Variants in NUAK1 observed in about 807,000 individuals in gnomAD.
The protein encoded by NUAK1 is NUAK family kinase 1, also known as NUAK family SNF1-like kinase 1.
In NUAK1, 26 loss-of-function variants were observed where a neutral mutation model predicts 56.9. That is an observed-to-expected ratio of 0.46 (90% confidence interval 0.33 to 0.63). NUAK1 has a LOEUF of 0.63. Ranked by LOEUF, NUAK1 falls within the 30% of genes least tolerant of loss-of-function variation. NUAK1 has a pLI of 0.02. For missense variants in NUAK1, 727 were observed against 876.1 expected, an observed-to-expected ratio of 0.83 and a Z score of 2.15; for synonymous variants, 337 against 336.0, an observed-to-expected ratio of 1.00 and a Z score of -0.03.
At chr12:106,106,376 G>A (rs777113201) in intron 2 of NUAK1, 29 bp downstream of exon 2, 2 of 1,511,900 alleles carry the variant, frequency 1.3e-6, no homozygotes, top group South Asian at 2.3e-5. Context: ...TAACTGATAT[G>A]GGGGTTAAAA....
At chr12:106,115,047 T>C (rs141644759) in intron 1 of NUAK1, among the ~76,000 whole-genome samples, 18 of 152,332 alleles carry the variant, frequency 1.2e-4, no homozygotes, top group African/African-American at 4.1e-4. Context: ...ATACGCATAC[T>C]TGGGAAGTTT....
intron 1 of NUAK1, among the ~76,000 whole-genome samples, chr12:106,119,990 A>G (rs2032957643): frequency 6.7e-6 from 1 of 149,922 alleles, no homozygotes; most frequent in Admixed American, 6.7e-5. Context: ...GGAAAAAAAT[A>G]TATTTAGAGC....
chr12:106,111,416 G>C (rs1203751185), intron 1 of NUAK1, among the ~76,000 whole-genome samples: 1 of 151,762 alleles, frequency 6.6e-6, no homozygotes, highest in Non-Finnish European at 1.5e-5. Flanking sequence ...TGTAGGACCA[G>C]CCTTGGGGGC....
chr12:106,121,507 T>G (rs574094779), intron 1 of NUAK1, among the ~76,000 whole-genome samples: 1 of 152,154 alleles, frequency 6.6e-6, no homozygotes, highest in Non-Finnish European at 1.5e-5. Context: ...CCCAGCACTT[T>G]GGGAGGCCAA....
intron 2 of NUAK1, among the ~76,000 whole-genome samples, chr12:106,093,274 C>CT (rs1460032712): frequency 6.6e-6 from 1 of 152,218 alleles, no homozygotes; most frequent in Admixed American, 6.5e-5. Context: ...TCTCCTTTTT[C>CT]TTTGACTATT....
At chr12:106,132,108 T>C (rs188048597) in intron 1 of NUAK1, among the ~76,000 whole-genome samples, 1 of 152,334 alleles carries the variant, frequency 6.6e-6, no homozygotes, top group African/African-American at 2.4e-5. Context: ...GCCAGAAACC[T>C]GACAAACCCT....
At chr12:106,084,088 T>C in intron 3 of NUAK1, 159 bp from the exon 4 acceptor site, 3 of 625,944 alleles carry the variant, frequency 4.8e-6, no homozygotes, top group East Asian at 2.7e-5. Flanking sequence ...CTGCTCTCAC[T>C]GTCTTGACGC....
At chr12:106,106,658 T>C in intron 1 of NUAK1, 133 bp from the exon 2 acceptor site, 1 of 841,060 alleles carries the variant, frequency 1.2e-6, no homozygotes, top group East Asian at 2.7e-5. Flanking sequence ...AGCTTGGAAA[T>C]GCCCCCTTGT....
intron 4 of NUAK1, among the ~76,000 whole-genome samples, chr12:106,075,324 G>C (rs369393293): frequency 7.6e-4 from 60 of 79,134 alleles, no homozygotes; most frequent in African/African-American, 2.0e-3. Flanking sequence ...CACACAGAGA[G>C]AGAGAGAGAG....
At chr12:106,108,276 G>A (rs947176676) in intron 1 of NUAK1, among the ~76,000 whole-genome samples, 3 of 152,202 alleles carry the variant, frequency 2.0e-5, no homozygotes, top group Admixed American at 6.5e-5. Context: ...ACAGGCAATA[G>A]AGGAATAGCT....
intron 2 of NUAK1, among the ~76,000 whole-genome samples, chr12:106,087,456 C>T (rs1192959142): frequency 1.3e-5 from 2 of 152,190 alleles, no homozygotes; most frequent in African/African-American, 4.8e-5. Flanking sequence ...CTGTCTCCCC[C>T]AGTCAAATGT....
At chr12:106,076,316 G>A (rs759264720) in intron 4 of NUAK1, among the ~76,000 whole-genome samples, 4 of 152,216 alleles carry the variant, frequency 2.6e-5, no homozygotes, top group Non-Finnish European at 5.9e-5. Flanking sequence ...GTCTTCCCAA[G>A]CCGTACAGTT....
intron 4 of NUAK1, among the ~76,000 whole-genome samples, chr12:106,075,888 A>G (rs2032460367): frequency 6.6e-6 from 1 of 152,218 alleles, no homozygotes; most frequent in South Asian, 2.1e-4. Flanking sequence ...GCAGCAACCA[A>G]CATCAAGCTG....
intron 2 of NUAK1, among the ~76,000 whole-genome samples, chr12:106,093,042 C>T (rs948151127): frequency 6.6e-6 from 1 of 152,148 alleles, no homozygotes; most frequent in Non-Finnish European, 1.5e-5. Context: ...GAGTTGCTTT[C>T]GAGTTGGAAA....
chr12:106,088,456 C>T (rs1390458909), intron 2 of NUAK1, among the ~76,000 whole-genome samples: 1 of 152,178 alleles, frequency 6.6e-6, no homozygotes, highest in African/African-American at 2.4e-5. Context: ...TGCCTCATAG[C>T]ACGTGCAAAC....
At chr12:106,115,376 T>A (rs116018714) in intron 1 of NUAK1, among the ~76,000 whole-genome samples, 1,608 of 152,332 alleles carry the variant, frequency 0.011, 25 homozygotes, top group African/African-American at 0.036. Context: ...AGAAGTTATT[T>A]TTATCCAGAC....
rs539140766 is a variant in NUAK1 at position 106,094,894 on chromosome 12, G to A, written c.362-8009C>T. Among the ~76,000 whole-genome samples the A allele has an allele frequency of 5.3e-5, 8 of 152,320 alleles. No individual in the cohort carries two copies. In the South Asian group the frequency reaches 1.7e-3, roughly 32 times the overall value. On this transcript the variant is annotated intron_variant, in intron 2 of 6. Transcript: ENST00000261402. Reference sequence around the variant, plus strand: ...CCTAGGAAGGCAGGGGACGTGGCCAGGATAGAGAGAGAAGTTGTGTGGGAG... The same window carrying A: ...CCTAGGAAGGCAGGGGACGTGGCCAAGATAGAGAGAGAAGTTGTGTGGGAG...
rs151011578 is a variant in NUAK1 at position 106,066,903 on chromosome 12, G to A, written c.1885C>T (p.Arg629Trp). 8.2e-5 allele frequency: 132 copies of A among 1,614,240 alleles called. No individual in the cohort carries two copies. The Middle Eastern group carries it at 3.3e-3, about 40-fold the overall frequency. The change falls in exon 7 of 7, where the codon CGG becomes TGG. Residue 629 changes from arginine to tryptophan, a missense_variant. Arg to Trp is a moderately radical substitution (Grantham distance 101). Transcript: ENST00000261402. The stretch of plus-strand genomic sequence containing the variant: ...AAGCTGCTGTCTGCCAGCCGGTTCC[G>A]GTACCGCTTCAGGTACTGGGGCCGG... ...RPRPQYLKRY[R>W]NRLADSSFSL... is the part of the protein sequence containing the mutation.
At chr12:106,118,574 T>C (rs535209703) in intron 1 of NUAK1, among the ~76,000 whole-genome samples, 1 of 152,350 alleles carries the variant, frequency 6.6e-6, no homozygotes, top group East Asian at 1.9e-4. Flanking sequence ...CACTCCTTCC[T>C]GGATCAAGCG....
Sources: allele counts gnomAD v4.1 joint callset (sites outside exome capture counted in the v4.1 genomes callset), GRCh38; gene constraint gnomAD v4.1.1; transcripts MANE v1.5; gene names NCBI Gene and HGNC (gene_info 2026-07-23, HGNC 2026-07-21).